Variants in CAPS2 observed in about 807,000 individuals in gnomAD.
CAPS2 encodes the protein calcyphosine 2, also known as calcyphosin-2.
Under a neutral mutation model 86.5 loss-of-function variants are expected in CAPS2, and 98 were observed. The observed-to-expected ratio is 1.13, with a 90% CI of 0.96 to 1.34. The LOEUF is 1.34. Ranked by LOEUF, CAPS2 falls within the 40% of genes most tolerant of loss-of-function variation. The pLI is 0.00. For missense variants in CAPS2, 729 were observed against 686.8 expected (o/e 1.06, Z -0.69); for synonymous variants, 210 against 225.1 (o/e 0.93, Z 0.60).
chr12:75,357,973 T>TA (rs1313204999), intron 1 of CAPS2, among the ~76,000 whole-genome samples: 48 of 127,608 alleles, frequency 3.8e-4, no homozygotes, highest in South Asian at 9.7e-4. Flanking sequence ...AAATCTAAAG[T>TA]AAAAAAAAAA....
intron 1 of CAPS2, among the ~76,000 whole-genome samples, chr12:75,378,921 T>G (rs974554776): frequency 6.6e-6 from 1 of 152,218 alleles, no homozygotes. Context: ...ACTATTGCAT[T>G]GTTAAAATTC....
At chr12:75,370,153 T>C (rs572445989) in intron 1 of CAPS2, 3 of 1,582,652 alleles carry the variant, frequency 1.9e-6, no homozygotes, top group Non-Finnish European at 2.6e-6. Context: ...CAGCTTAGGT[T>C]TTCTTCTTCT....
intron 15 of CAPS2, among the ~76,000 whole-genome samples, chr12:75,282,683 G>A (rs967525215): frequency 4.6e-5 from 7 of 152,084 alleles, no homozygotes; most frequent in Admixed American, 1.3e-4. Context: ...CACCACGTCC[G>A]GCCTGGCAAA....
At chr12:75,325,357 C>T (rs2040669937) in intron 1 of CAPS2, 69 bp from the exon 3 acceptor site, 1 of 1,112,518 alleles carries the variant, frequency 9.0e-7, no homozygotes, top group Middle Eastern at 3.0e-4. Context: ...TTAAGAGATA[C>T]ACAATAAGTC....
chr12:75,277,475 A>C (rs1000184559), exon 17 of CAPS2: 2 of 911,352 alleles, frequency 2.2e-6, no homozygotes, highest in Non-Finnish European at 2.6e-6. Context: ...TTTCTGCCAA[A>C]ATGTCTTCTA....
At chr12:75,362,260 G>A (rs1000529448) in intron 1 of CAPS2, among the ~76,000 whole-genome samples, 2 of 151,972 alleles carry the variant, frequency 1.3e-5, no homozygotes, top group Non-Finnish European at 2.9e-5. Context: ...ACATTAAAAT[G>A]CTCATCATCA....
At chr12:75,292,639 G>A in intron 12 of CAPS2, among the ~76,000 whole-genome samples, 1 of 143,054 alleles carries the variant, frequency 7.0e-6, no homozygotes, top group Middle Eastern at 3.8e-3. Context: ...TGTATGTATA[G>A]ATCTATACAT....
intron 1 of CAPS2, among the ~76,000 whole-genome samples, chr12:75,359,355 G>GTTTTTTTTTTTTT (rs1463566931): frequency 4.3e-5 from 2 of 46,444 alleles, no homozygotes; most frequent in Non-Finnish European, 8.5e-5. Flanking sequence ...CAGCATTGTT[G>GTTTTTTTTTTTTT]TCTTTTTTTT....
downstream of CAPS2, chr12:75,276,336 G>T: frequency 4.1e-6 from 6 of 1,470,610 alleles, no homozygotes; most frequent in Non-Finnish European, 5.4e-6. Context: ...TACATAATCT[G>T]CAGTAAACAT....
intron 1 of CAPS2, among the ~76,000 whole-genome samples, chr12:75,361,687 A>T (rs1042964516): frequency 2.0e-5 from 3 of 152,186 alleles, no homozygotes; most frequent in Non-Finnish European, 4.4e-5. Flanking sequence ...AGGAGAGATA[A>T]GAGAGAAGGA....
At chr12:75,279,954 T>C (rs2137988374) in intron 16 of CAPS2, among the ~76,000 whole-genome samples, 1 of 152,062 alleles carries the variant, frequency 6.6e-6, no homozygotes, top group East Asian at 1.9e-4. Flanking sequence ...TTCACTCAAA[T>C]TTATATTTCA....
At chr12:75,364,532 G>T (rs754839811) in intron 1 of CAPS2, among the ~76,000 whole-genome samples, 1 of 152,196 alleles carries the variant, frequency 6.6e-6, no homozygotes, top group African/African-American at 2.4e-5. Flanking sequence ...TTCCAGCCCA[G>T]ATGGGAATGG....
At chr12:75,322,167 G>A (rs1415502084) in intron 4 of CAPS2, among the ~76,000 whole-genome samples, 2 of 152,102 alleles carry the variant, frequency 1.3e-5, no homozygotes, top group Non-Finnish European at 2.9e-5. Context: ...TAAAGTACGT[G>A]CTTACAGAAA....
upstream of CAPS2, chr12:75,334,383 A>T: frequency 2.6e-6 from 2 of 783,626 alleles, no homozygotes; most frequent in Non-Finnish European, 3.2e-6. Flanking sequence ...CTTGTTCTTT[A>T]CCTAACTTGT....
chr12:75,353,579 G>GATA (rs1158112424), intron 1 of CAPS2, among the ~76,000 whole-genome samples: 1 of 152,172 alleles, frequency 6.6e-6, no homozygotes, highest in African/African-American at 2.4e-5. Context: ...AAGAGGAGCT[G>GATA]ATACCCTTTC....
chr12:75,371,738 TAGAG>T (rs2044372051), intron 1 of CAPS2, among the ~76,000 whole-genome samples: 1 of 151,998 alleles, frequency 6.6e-6, no homozygotes, highest in Non-Finnish European at 1.5e-5. Context: ...AAAGGAAAAA[TAGAG>T]GGAATAAAAT....
chr12:75,355,244 A>T (rs1341940583), intron 1 of CAPS2, among the ~76,000 whole-genome samples: 2 of 152,240 alleles, frequency 1.3e-5, no homozygotes, highest in African/African-American at 4.8e-5. Context: ...ACAAAGGTCT[A>T]ATATCCAGAA....
At chr12:75,278,302 T>G in exon 17 of CAPS2, 1 of 983,524 alleles carries the variant, frequency 1.0e-6, no homozygotes, top group Non-Finnish European at 1.2e-6. Context: ...CATCATGGGG[T>G]AAACCTCCAT....
intron 1 of CAPS2, among the ~76,000 whole-genome samples, chr12:75,347,219 T>A (rs1402705054): frequency 6.6e-6 from 1 of 152,042 alleles, no homozygotes; most frequent in Non-Finnish European, 1.5e-5. Flanking sequence ...TTTGTAAAAT[T>A]TTTCTGAGAA....
Sources: allele counts gnomAD v4.1 joint callset (sites outside exome capture counted in the v4.1 genomes callset), GRCh38; gene constraint gnomAD v4.1.1; transcripts MANE v1.5; gene names NCBI Gene and HGNC (gene_info 2026-07-23, HGNC 2026-07-21).